The following STK32A variants were observed in gnomAD, a reference collection of about 807,000 sequenced individuals.
STK32A encodes the protein serine/threonine-protein kinase 32A.
Under a neutral mutation model 53.2 loss-of-function variants are expected in STK32A, and 41 were observed. That is an observed-to-expected ratio of 0.77 (90% confidence interval 0.60 to 1.00). STK32A has a LOEUF of 1.00. Among genes scored for constraint, STK32A ranks in the 50% least tolerant of loss-of-function variants. The pLI is 0.00. For synonymous variants in STK32A, 166 were observed against 162.8 expected, an observed-to-expected ratio of 1.02 and a Z score of -0.15; for missense variants, 458 against 485.8, an observed-to-expected ratio of 0.94 and a Z score of 0.54.
intron 4 of STK32A, among the ~76,000 whole-genome samples, chr5:147,304,712 A>G (rs1753317421): frequency 6.6e-6 from 1 of 152,218 alleles, no homozygotes. Context: ...AAGTCAGGGG[A>G]GTCTGCCATC....
chr5:147,365,784 A>G (rs1352759869), intron 8 of STK32A, among the ~76,000 whole-genome samples: 1 of 152,160 alleles, frequency 6.6e-6, no homozygotes, highest in Non-Finnish European at 1.5e-5. Context: ...GTTGAAACAG[A>G]CAAACGACTA....
chr5:147,350,050 G>T (rs1755885269), intron 6 of STK32A, among the ~76,000 whole-genome samples: 2 of 151,598 alleles, frequency 1.3e-5, no homozygotes, highest in Non-Finnish European at 2.9e-5. Context: ...GGCGGAGATT[G>T]CAGTGAGCCG....
intron 3 of STK32A, 21 bp from the exon 4 acceptor site, chr5:147,279,226 C>T (rs755673498): frequency 1.3e-6 from 2 of 1,595,166 alleles, no homozygotes; most frequent in African/African-American, 1.3e-5. Context: ...ATCACTCTCT[C>T]ACTCGGGTTT....
At chr5:147,348,738 A>C (rs1755812909) in intron 6 of STK32A, 1 of 771,466 alleles carries the variant, frequency 1.3e-6, no homozygotes, top group Non-Finnish European at 2.4e-6. Context: ...GAGTTTCAGG[A>C]GACCGAAGCC....
chr5:147,387,772 T>C lies in STK32A; in HGVS notation c.*3789T>C, dbSNP rs923527036. ...GGCAGCTGATCTGGCAGCCCTCGAA[T>C]GGGAAACAAGTGCTTCTGTTGAGCT... On this transcript the variant is annotated 3_prime_UTR_variant, in exon 13 of 13. Coordinates refer to ENST00000397936, the MANE Select transcript of STK32A (RefSeq NM_001112724.2). 6.6e-5 allele frequency: 10 copies of C among 152,260 alleles called. No individual in the cohort carries two copies. Among genetic ancestry groups the C allele is most frequent in the Non-Finnish European group, 1.3e-4 (9 of 68,056 alleles). The allele number at this position is 152,260 out of a possible 1,614,324, so 9.4% of individuals were successfully genotyped here. A position where few individuals can be genotyped will look rare whatever the true frequency, so the allele number is the denominator to read the frequency against.
chr5:147,335,615 G>T (rs1291555042), intron 5 of STK32A, among the ~76,000 whole-genome samples: 1 of 152,168 alleles, frequency 6.6e-6, no homozygotes, highest in Non-Finnish European at 1.5e-5. Context: ...CAGAAGCCCA[G>T]AACATAATTC....
downstream of STK32A, among the ~76,000 whole-genome samples, chr5:147,388,032 G>A (rs1581164056): frequency 1.3e-5 from 2 of 152,142 alleles, no homozygotes; most frequent in South Asian, 2.1e-4. Flanking sequence ...TGCAACTATG[G>A]AATGCAGTAT....
chr5:147,332,026 C>A (rs6891535), intron 5 of STK32A, among the ~76,000 whole-genome samples: 24,956 of 152,206 alleles, frequency 0.16, 2,254 homozygotes, highest in African/African-American at 0.23. Flanking sequence ...TTTGTGACAG[C>A]AGCTCTAACA....
At chr5:147,354,206 G>A (rs1332805978) in intron 7 of STK32A, among the ~76,000 whole-genome samples, 1 of 152,102 alleles carries the variant, frequency 6.6e-6, no homozygotes, top group East Asian at 1.9e-4. Context: ...ATATAATTCA[G>A]CCTATTTTCT....
At chr5:147,347,221 C>T (rs1221079018) in intron 6 of STK32A, among the ~76,000 whole-genome samples, 1 of 151,294 alleles carries the variant, frequency 6.6e-6, no homozygotes, top group Non-Finnish European at 1.5e-5. Flanking sequence ...ACAGGAGCAG[C>T]AAGAAAGAGT....
At chr5:147,350,086 G>A (rs1755888382) in intron 6 of STK32A, among the ~76,000 whole-genome samples, 1 of 151,344 alleles carries the variant, frequency 6.6e-6, no homozygotes, top group South Asian at 2.1e-4. Context: ...ACTCCAGCCT[G>A]GCAACAGAGT....
rs188060866 is a variant in STK32A, at chr5:147,262,259, T to A, written c.53-15865T>A. ...CAAGGAGAGTGAGCTTTACCCTTCA[T>A]ATTTACTCATCCTCTTACTAATTTG... On this transcript the variant is annotated intron_variant, in intron 2 of 12. Coordinates refer to ENST00000397936, the MANE Select transcript of STK32A (RefSeq NM_001112724.2). Among the ~76,000 whole-genome samples the A allele has an allele frequency of 5.9e-5, 9 of 152,302 alleles. No homozygotes were observed. The East Asian group carries it at 1.5e-3, about 26-fold the overall frequency.
chr5:147,291,309 C>T (rs1752587939), intron 4 of STK32A, among the ~76,000 whole-genome samples: 1 of 152,006 alleles, frequency 6.6e-6, no homozygotes, highest in African/African-American at 2.4e-5. Context: ...TGGTCCTGTC[C>T]CACATTTGGG....
At chr5:147,271,275 C>T (rs1401039322) in intron 2 of STK32A, among the ~76,000 whole-genome samples, 2 of 151,912 alleles carry the variant, frequency 1.3e-5, no homozygotes, top group African/African-American at 2.4e-5. Context: ...TTAATGGACA[C>T]TTATCACTTC....
chr5:147,242,755 C>A (rs111283131), intron 2 of STK32A, among the ~76,000 whole-genome samples: 1,698 of 152,270 alleles, frequency 0.011, 28 homozygotes, highest in African/African-American at 0.038. Flanking sequence ...TAACTTATTT[C>A]TTCAAAAGAT....
rs1757663151 is a variant in STK32A at position 147,386,921 on chromosome 5, A to C, written c.*2938A>C. On this transcript the variant is annotated 3_prime_UTR_variant, in exon 13 of 13. Transcript: ENST00000397936. ...ATCAGATCCTTTGGTTTTATTCTAT[A>C]ACTTGGGCTAAACGTTAATATCCCA... The C allele has an allele frequency of 6.6e-6, 1 of 152,196 alleles. No homozygotes were observed. The highest frequency in any genetic ancestry group is 2.4e-5 in the African/African-American group (1 of 41,458). 9.4% of individuals were successfully genotyped at this position (152,196 alleles called of 1,614,324 possible).
At chr5:147,286,188 A>G (rs1335052427) in intron 4 of STK32A, among the ~76,000 whole-genome samples, 1 of 152,076 alleles carries the variant, frequency 6.6e-6, no homozygotes, top group East Asian at 1.9e-4. Context: ...AAAACCAAAC[A>G]TCATATGTTC....
intron 10 of STK32A, among the ~76,000 whole-genome samples, chr5:147,373,610 T>TG (rs138115259): frequency 0.13 from 19,902 of 152,098 alleles, 1,594 homozygotes; most frequent in South Asian, 0.18. Flanking sequence ...ATGAATCTGC[T>TG]GGGGTTTTTT....
At chr5:147,371,809 C>A (rs1238220840) in intron 9 of STK32A, among the ~76,000 whole-genome samples, 1 of 152,152 alleles carries the variant, frequency 6.6e-6, no homozygotes, top group Non-Finnish European at 1.5e-5. Flanking sequence ...AATAAGACCA[C>A]ATACTGATTT....
Sources: allele counts gnomAD v4.1 joint callset (sites outside exome capture counted in the v4.1 genomes callset), GRCh38; gene constraint gnomAD v4.1.1; transcripts MANE v1.5; gene names NCBI Gene and HGNC (gene_info 2026-07-23, HGNC 2026-07-21).